PI4KA: variants seen among roughly 807,000 people sequenced by gnomAD.
The protein encoded by PI4KA is PI4-kinase alpha.
In PI4KA, 122 loss-of-function variants were observed where a neutral mutation model predicts 271.4. That is an observed-to-expected ratio of 0.45 (90% CI 0.39 to 0.52). The LOEUF is 0.52. Ranked by LOEUF, PI4KA falls within the 20% of genes least tolerant of loss-of-function variation. The pLI is 0.00. For missense variants in PI4KA, 1,969 were observed against 2,769.1 expected (o/e 0.71, Z 6.48); for synonymous variants, 1,041 against 1,078.8 (o/e 0.96, Z 0.69).
At chr22:20,789,093 AG>A (rs771830337) in intron 19 of PI4KA, among the ~76,000 whole-genome samples, 4 of 152,036 alleles carry the variant, frequency 2.6e-5, no homozygotes, top group Admixed American at 1.3e-4. Context: ...TACAGAAACT[AG>A]CCCATCTGTT....
intron 1 of PI4KA, among the ~76,000 whole-genome samples, chr22:20,851,051 T>C (rs1037255574): frequency 1.3e-5 from 2 of 151,844 alleles, no homozygotes; most frequent in Non-Finnish European, 2.9e-5. Flanking sequence ...TCCAAAAAAA[T>C]GTAATTTCTA....
At chr22:20,712,847 C>A (rs1925490258) in intron 48 of PI4KA, 50 bp from the exon 49 acceptor site, 1 of 1,550,826 alleles carries the variant, frequency 6.4e-7, no homozygotes, top group African/African-American at 1.4e-5. Flanking sequence ...CCTTGCACCC[C>A]AGCAGCTCTT....
Position 20,733,882 on chromosome 22 carries a change from G to A in PI4KA, c.4053-39C>T, listed in dbSNP as rs368711178. 494 of 1,611,930 alleles carry A rather than the reference G, an allele frequency of 3.1e-4. 3 individuals carry two copies. In the South Asian group the frequency reaches 3.1e-3, roughly 10 times the overall value. ...CCGGACCCAGTTAGAGCAGGAGCCTGGCCTGGGGCCAAGTTCACCTTATGG... is the reference window on the plus strand; with the variant it reads ...CCGGACCCAGTTAGAGCAGGAGCCTAGCCTGGGGCCAAGTTCACCTTATGG... On this transcript the variant is annotated intron_variant, in intron 34 of 54. Coordinates refer to ENST00000255882, the MANE Select transcript of PI4KA (RefSeq NM_058004.4).
chr22:20,798,234 G>A (rs1386698106), intron 17 of PI4KA, among the ~76,000 whole-genome samples: 1 of 152,154 alleles, frequency 6.6e-6, no homozygotes, highest in Non-Finnish European at 1.5e-5. Flanking sequence ...TTAAATCTTG[G>A]TTCTACTATA....
intron 1 of PI4KA, among the ~76,000 whole-genome samples, chr22:20,843,173 A>T (rs1925805771): frequency 6.6e-6 from 1 of 152,108 alleles, no homozygotes; most frequent in Non-Finnish European, 1.5e-5. Flanking sequence ...TATTTTCTAT[A>T]AAAAATATTG....
At chr22:20,850,006 G>A (rs969765361) in intron 1 of PI4KA, among the ~76,000 whole-genome samples, 4 of 152,192 alleles carry the variant, frequency 2.6e-5, no homozygotes, top group Non-Finnish European at 5.9e-5. Flanking sequence ...GTAACAGCAA[G>A]GTTTCTTTTG....
intron 2 of PI4KA, among the ~76,000 whole-genome samples, chr22:20,834,937 T>G (rs1305630430): frequency 6.6e-6 from 1 of 152,170 alleles, no homozygotes; most frequent in Non-Finnish European, 1.5e-5. Context: ...TCAGGCCTCT[T>G]CTGGGGGCTG....
At chr22:20,802,720 A>C (rs1033082754) in intron 13 of PI4KA, among the ~76,000 whole-genome samples, 1 of 152,168 alleles carries the variant, frequency 6.6e-6, no homozygotes, top group African/African-American at 2.4e-5. Context: ...AACTGCTCTG[A>C]CTTTAAGTCT....
At chr22:20,753,890 G>A (rs978019006) in intron 23 of PI4KA, among the ~76,000 whole-genome samples, 2 of 152,096 alleles carry the variant, frequency 1.3e-5, no homozygotes, top group African/African-American at 2.4e-5. Flanking sequence ...GTTTCACCAC[G>A]TTGGCCAGGA....
intron 3 of PI4KA, among the ~76,000 whole-genome samples, chr22:20,830,928 T>A (rs1334460725): frequency 6.6e-6 from 1 of 152,126 alleles, no homozygotes; most frequent in Non-Finnish European, 1.5e-5. Context: ...TCTGCCACCA[T>A]GCTCAGCTAA....
intron 7 of PI4KA, 100 bp downstream of exon 7, chr22:20,818,383 C>T (rs556292748): frequency 8.6e-6 from 7 of 816,198 alleles, no homozygotes; most frequent in Non-Finnish European, 1.3e-5. Context: ...CCATCCATGA[C>T]AACAGAGTTA....
chr22:20,767,787 A>G (rs1368051286), intron 19 of PI4KA, among the ~76,000 whole-genome samples: 1 of 151,900 alleles, frequency 6.6e-6, no homozygotes, highest in Non-Finnish European at 1.5e-5. Context: ...GGCATGCACC[A>G]CTATGCTCAG....
At chr22:20,798,448 C>A (rs1035197305) in intron 17 of PI4KA, 136 bp downstream of exon 17, 3 of 683,168 alleles carry the variant, frequency 4.4e-6, no homozygotes, top group African/African-American at 3.5e-5. Context: ...CACTTCCCCC[C>A]TTATGTGTGC....
chr22:20,801,802 C>T (rs1935348849), intron 14 of PI4KA, among the ~76,000 whole-genome samples, 171 bp downstream of exon 14: 1 of 152,146 alleles, frequency 6.6e-6, no homozygotes, highest in Admixed American at 6.5e-5. Context: ...AGGAAAATAG[C>T]TTGAACCCAG....
chr22:20,817,411 A>G (rs1426099079), intron 7 of PI4KA, among the ~76,000 whole-genome samples: 1 of 152,068 alleles, frequency 6.6e-6, no homozygotes, highest in Admixed American at 6.6e-5. Flanking sequence ...AAATTATGTA[A>G]AAGTACTTTG....
At chr22:20,742,187 C>A in intron 32 of PI4KA, 41 bp downstream of exon 32, 1 of 1,601,872 alleles carries the variant, frequency 6.2e-7, no homozygotes, top group South Asian at 1.1e-5. Flanking sequence ...CGTCTGTTAT[C>A]CCATCCCATC....
intron 19 of PI4KA, among the ~76,000 whole-genome samples, chr22:20,769,004 G>C (rs1932760784): frequency 6.6e-6 from 1 of 152,136 alleles, no homozygotes; most frequent in Non-Finnish European, 1.5e-5. Flanking sequence ...AGATATGAAG[G>C]GGTTTCCAGA....
intron 8 of PI4KA, among the ~76,000 whole-genome samples, chr22:20,811,756 G>A (rs532357434): frequency 2.0e-5 from 3 of 152,252 alleles, no homozygotes; most frequent in African/African-American, 7.2e-5. Context: ...GCTCACGCCT[G>A]TAATCCCAGC....
intron 28 of PI4KA, among the ~76,000 whole-genome samples, chr22:20,749,283 C>T (rs556522355): frequency 2.0e-4 from 30 of 152,208 alleles, no homozygotes; most frequent in Non-Finnish European, 2.6e-4. Flanking sequence ...CACAAGAGTT[C>T]CTCTCAGCAC....
Sources: gnomAD v4.1 joint callset for allele counts (sites outside exome capture counted in the v4.1 genomes callset) on GRCh38, gnomAD v4.1.1 for gene constraint, MANE v1.5 for transcripts, NCBI Gene and HGNC (gene_info 2026-07-23, HGNC 2026-07-21) for gene names.